Variants in POFUT1 observed in about 807,000 individuals in gnomAD.
The protein encoded by POFUT1 is GDP-fucose protein O-fucosyltransferase 1.
Under a neutral mutation model 42.4 loss-of-function variants are expected in POFUT1, and 16 were observed. The ratio of observed to expected loss-of-function variants is 0.38; its 90% CI spans 0.26 to 0.57. POFUT1 has a LOEUF of 0.57. Ranked by LOEUF, POFUT1 falls within the 20% of genes least tolerant of loss-of-function variation. The pLI, the probability that POFUT1 is intolerant of heterozygous loss-of-function variation, is 0.71. For missense variants in POFUT1, 470 were observed against 504.6 expected, an observed-to-expected ratio of 0.93 and a Z score of 0.66; for synonymous variants, 206 against 205.4, an observed-to-expected ratio of 1.00 and a Z score of -0.03.
Position 32,235,891 on chromosome 20 carries a change from A to C in POFUT1, c.*1230A>C, listed in dbSNP as rs1273375706. The C allele has an allele frequency of 6.6e-6, 1 of 152,220 alleles. No homozygotes were observed. Among genetic ancestry groups the C allele is most frequent in the Non-Finnish European group, 1.5e-5 (1 of 68,072 alleles). The allele number at this position is 152,220 out of a possible 1,614,324, so 9.4% of individuals were successfully genotyped here. A position where few individuals can be genotyped will look rare whatever the true frequency, so the allele number is the denominator to read the frequency against. On this transcript the variant is annotated 3_prime_UTR_variant, in exon 7 of 7. Coordinates refer to ENST00000375749, the MANE Select transcript of POFUT1 (RefSeq NM_015352.2). ...TGGAAAGGTGGCAGAGCCTCCACTG[A>C]GCCAGGCCCAGAGCTCCTTGCAGTG...
intron 2 of POFUT1, among the ~76,000 whole-genome samples, chr20:32,214,113 G>A (rs1360419394): frequency 6.6e-6 from 1 of 151,250 alleles, no homozygotes; most frequent in Non-Finnish European, 1.5e-5. Context: ...AGAAGAGGAA[G>A]GTACATTAAA....
At chr20:32,220,307 G>T (rs2047384856) in intron 4 of POFUT1, among the ~76,000 whole-genome samples, 1 of 152,096 alleles carries the variant, frequency 6.6e-6, no homozygotes, top group Non-Finnish European at 1.5e-5. Context: ...TCCTTTTTTG[G>T]TAGAGATGGG....
chr20:32,223,136 A>G lies in POFUT1; in HGVS notation c.543-5127A>G, dbSNP rs537292120. 4 of 985,468 alleles carry G rather than the reference A, an allele frequency of 4.1e-6. No homozygotes were observed. In the African/African-American group the frequency reaches 5.2e-5, roughly 13 times the overall value. 61.0% of individuals were successfully genotyped at this position (985,468 alleles called of 1,614,324 possible). A position where few individuals can be genotyped will look rare whatever the true frequency, so the allele number is the denominator to read the frequency against. ...GTTGGAGAATCTCAGCAGCACAGGCATGGTGGTGAAGAATCCCAGAGGTTC... is the reference window on the plus strand; with the variant it reads ...GTTGGAGAATCTCAGCAGCACAGGCGTGGTGGTGAAGAATCCCAGAGGTTC... On this transcript the variant is annotated intron_variant, in intron 4 of 6. Transcript: ENST00000375749.
chr20:32,212,802 G>A (rs762315668), intron 2 of POFUT1, among the ~76,000 whole-genome samples: 23 of 152,020 alleles, frequency 1.5e-4, no homozygotes, highest in Non-Finnish European at 2.4e-4. Context: ...GGTTGGTCTC[G>A]AACTCCCTGC....
At chr20:32,230,748 A>T (rs1446629098) in intron 5 of POFUT1, 71 bp from the exon 6 acceptor site, 1 of 1,558,904 alleles carries the variant, frequency 6.4e-7, no homozygotes, top group Non-Finnish European at 8.7e-7. Flanking sequence ...GTCTTTTTCC[A>T]CTTACCAGGT....
intron 2 of POFUT1, among the ~76,000 whole-genome samples, chr20:32,212,202 C>T (rs1319002296): frequency 2.0e-5 from 3 of 152,150 alleles, no homozygotes; most frequent in Non-Finnish European, 1.5e-5. Context: ...GGCTTTTACT[C>T]TTCTCCGTGT....
chr20:32,228,928 C>T (rs2047428743), intron 5 of POFUT1, among the ~76,000 whole-genome samples: 1 of 152,180 alleles, frequency 6.6e-6, no homozygotes, highest in Non-Finnish European at 1.5e-5. Flanking sequence ...GTGAAAATAA[C>T]AGAATCAATA....
Position 32,207,916 on chromosome 20 carries a change from C to G in POFUT1, c.-26C>G. ...TCCTTCCCTCCCCGACTGTGCGCCG[C>G]GGCTGGCTCGGGTTCCCGGGCCGAC... On this transcript the variant is annotated 5_prime_UTR_variant, in exon 1 of 7. Coordinates refer to ENST00000375749, the MANE Select transcript of POFUT1 (RefSeq NM_015352.2). The G allele has an allele frequency of 1.3e-6, 2 of 1,568,876 alleles. No individual in the cohort carries two copies. The highest frequency in any genetic ancestry group is 1.7e-6 in the Non-Finnish European group (2 of 1,166,366).
intron 6 of POFUT1, 170 bp downstream of exon 6, chr20:32,231,231 C>T (rs374302867): frequency 3.6e-5 from 24 of 671,594 alleles, no homozygotes; most frequent in East Asian, 1.6e-4. Flanking sequence ...AGGCCTCCTC[C>T]GTAGTCTTTC....
Position 32,234,696 on chromosome 20 carries a change from G to T in POFUT1, c.*35G>T. 1 of 1,547,294 alleles carries T rather than the reference G, an allele frequency of 6.5e-7. No homozygotes were observed. The highest frequency in any genetic ancestry group is 1.2e-5 in the South Asian group (1 of 83,174). On this transcript the variant is annotated 3_prime_UTR_variant, in exon 7 of 7. Coordinates refer to ENST00000375749, the MANE Select transcript of POFUT1 (RefSeq NM_015352.2). ...GAGCACCAGACCCTCTGATCCTGGA[G>T]GGACCAGAGTCTGAGCTGGTCCTTC...
intron 4 of POFUT1, among the ~76,000 whole-genome samples, chr20:32,221,857 G>A (rs1341106989): frequency 2.0e-5 from 3 of 152,154 alleles, no homozygotes; most frequent in African/African-American, 7.2e-5. Context: ...GAAGTTTGTA[G>A]GCTACAAGTC....
intron 4 of POFUT1, among the ~76,000 whole-genome samples, chr20:32,218,984 T>G (rs2047376865): frequency 6.6e-6 from 1 of 152,074 alleles, no homozygotes; most frequent in African/African-American, 2.4e-5. Flanking sequence ...GAAGATGAGG[T>G]CCCTAGAGGG....
intron 4 of POFUT1, among the ~76,000 whole-genome samples, chr20:32,225,478 C>T (rs1458731131): frequency 1.3e-5 from 2 of 151,560 alleles, no homozygotes; most frequent in South Asian, 2.1e-4. Context: ...TGAGCCACCG[C>T]GCCCGGTCAA....
intron 2 of POFUT1, 46 bp from the exon 3 acceptor site, chr20:32,215,223 C>A (rs1569152129): frequency 6.7e-7 from 1 of 1,490,714 alleles, no homozygotes; most frequent in Non-Finnish European, 9.3e-7. Flanking sequence ...TCTAAAGTAG[C>A]CACGGGGGCA....
intron 2 of POFUT1, among the ~76,000 whole-genome samples, chr20:32,212,917 T>A (rs191314007): frequency 2.7e-5 from 4 of 149,562 alleles, no homozygotes; most frequent in African/African-American, 9.9e-5. Context: ...GGAGTTTTGC[T>A]CTTGTCACCC....
At chr20:32,226,799 C>T (rs1355482574) in intron 4 of POFUT1, among the ~76,000 whole-genome samples, 2 of 152,072 alleles carry the variant, frequency 1.3e-5, no homozygotes, top group Admixed American at 1.3e-4. Flanking sequence ...TGGTGGGGTT[C>T]ATATTCCATG....
chr20:32,210,286 A>T, intron 2 of POFUT1, 94 bp downstream of exon 2: 1 of 1,297,518 alleles, frequency 7.7e-7, no homozygotes, highest in Non-Finnish European at 1.1e-6. Flanking sequence ...TTTACCTCCC[A>T]CTCCTCTGAG....
intron 2 of POFUT1, among the ~76,000 whole-genome samples, chr20:32,213,686 G>A (rs1039478683): frequency 1.3e-5 from 2 of 152,020 alleles, no homozygotes; most frequent in Middle Eastern, 3.4e-3. Context: ...CAGGAGAATC[G>A]CTTGAACCTG....
intron 4 of POFUT1, among the ~76,000 whole-genome samples, chr20:32,226,363 C>G (rs1268368583): frequency 6.6e-6 from 1 of 152,072 alleles, no homozygotes; most frequent in African/African-American, 2.4e-5. Flanking sequence ...AACTATAGTA[C>G]AGTATCACAA....
Sources: gnomAD v4.1 joint callset for allele counts (sites outside exome capture counted in the v4.1 genomes callset) on GRCh38, gnomAD v4.1.1 for gene constraint, MANE v1.5 for transcripts, NCBI Gene and HGNC (gene_info 2026-07-23, HGNC 2026-07-21) for gene names.